FNDC3B: variants seen among roughly 807,000 people sequenced by gnomAD.
FNDC3B encodes fibronectin type III domain containing 3B, also known as fibronectin type III domain-containing protein 3B.
FNDC3B carries 12 observed loss-of-function variants against 151.5 expected under a neutral mutation model. The observed-to-expected ratio is 0.08, with a 90% CI of 0.05 to 0.13. The LOEUF (loss-of-function observed/expected upper bound fraction) is 0.13. Among genes scored for constraint, FNDC3B ranks in the 10% least tolerant of loss-of-function variants. The probability of loss-of-function intolerance (pLI) is 1.00; values close to 1 mark genes in which losing one functional copy is unlikely to be tolerated. For synonymous variants in FNDC3B, 528 were observed against 549.0 expected, an observed-to-expected ratio of 0.96 and a Z score of 0.54; for missense variants, 1,214 against 1,505.3, an observed-to-expected ratio of 0.81 and a Z score of 3.20.
intron 20 of FNDC3B, 113 bp downstream of exon 20, chr3:172,346,553 T>C (rs115904793): frequency 0.011 from 6,789 of 621,150 alleles, 145 homozygotes; most frequent in Non-Finnish European, 0.014. Context: ...TGATTTTTTT[T>C]TTTTTTTTGC....
At chr3:172,055,179 A>G (rs3180663) in intron 1 of FNDC3B, among the ~76,000 whole-genome samples, 98,229 of 151,978 alleles carry the variant, frequency 0.65, 31,938 homozygotes, top group East Asian at 0.74. Flanking sequence ...TTTAAAGTGA[A>G]GTGGGAGGAG....
At chr3:172,336,231 G>T (rs138666938) in intron 15 of FNDC3B, among the ~76,000 whole-genome samples, 1 of 152,076 alleles carries the variant, frequency 6.6e-6, no homozygotes, top group South Asian at 2.1e-4. Context: ...AAAAATCTCC[G>T]CTATGTCTAA....
In FNDC3B at chr3:172,173,913, G is replaced by A. The variant is rs1560000971; in HGVS notation, c.187+40367G>A. Among the ~76,000 whole-genome samples the A allele has an allele frequency of 2.0e-5, 3 of 152,298 alleles. No homozygotes were observed. In the South Asian group the frequency reaches 6.2e-4, roughly 32 times the overall value. ...GGAGTACTGAAATGGAATAGTAGGA[G>A]CTGCCAGTGAAACTCATTCAGTGTT... On this transcript the variant is annotated intron_variant, in intron 3 of 25. Transcript: ENST00000415807.
intron 6 of FNDC3B, among the ~76,000 whole-genome samples, chr3:172,269,047 C>T (rs1403599239): frequency 1.3e-5 from 2 of 152,088 alleles, no homozygotes; most frequent in Non-Finnish European, 2.9e-5. Flanking sequence ...CCATAGCATT[C>T]GTGGAAATAT....
intron 3 of FNDC3B, chr3:172,148,469 G>C (rs928975488): frequency 1.3e-5 from 2 of 152,104 alleles, no homozygotes; most frequent in African/African-American, 4.8e-5. Context: ...GGTGAGAAAG[G>C]AAGTGACTCA....
At chr3:172,346,463 C>A (rs1733618511) in intron 20 of FNDC3B, 23 bp downstream of exon 20, 18 of 1,428,952 alleles carry the variant, frequency 1.3e-5, no homozygotes, top group Non-Finnish European at 1.8e-5. Flanking sequence ...TATTCTGCAT[C>A]AACTTCTGTT....
intron 3 of FNDC3B, among the ~76,000 whole-genome samples, chr3:172,160,884 G>A (rs758708811): frequency 1.2e-4 from 18 of 151,760 alleles, no homozygotes; most frequent in South Asian, 2.1e-4. Context: ...TTTTTGTCCC[G>A]AATTTGCCGT....
intron 3 of FNDC3B, among the ~76,000 whole-genome samples, chr3:172,215,155 C>T (rs1163279460): frequency 2.0e-5 from 3 of 152,162 alleles, no homozygotes; most frequent in African/African-American, 7.2e-5. Context: ...CAGAGCATGA[C>T]CTAGGAATTG....
chr3:172,169,317 A>C (rs1030824741), intron 3 of FNDC3B, among the ~76,000 whole-genome samples: 1 of 152,250 alleles, frequency 6.6e-6, no homozygotes, highest in Non-Finnish European at 1.5e-5. Context: ...AATGTGCTGC[A>C]GCCTTCTGCA....
intron 3 of FNDC3B, among the ~76,000 whole-genome samples, chr3:172,143,940 T>C (rs1194602003): frequency 6.7e-6 from 1 of 149,476 alleles, no homozygotes; most frequent in Admixed American, 6.7e-5. Context: ...AATAAATAAA[T>C]AAATAAATAA....
chr3:172,272,473 G>A (rs1729244156), intron 6 of FNDC3B, among the ~76,000 whole-genome samples: 1 of 152,170 alleles, frequency 6.6e-6, no homozygotes, highest in South Asian at 2.1e-4. Flanking sequence ...ATATCTGAGA[G>A]CTGATGGGCT....
intron 11 of FNDC3B, among the ~76,000 whole-genome samples, chr3:172,319,454 T>C (rs1272814183): frequency 6.6e-6 from 1 of 152,202 alleles, no homozygotes; most frequent in Non-Finnish European, 1.5e-5. Flanking sequence ...TGATCATCCT[T>C]GGCTATTTCA....
intron 25 of FNDC3B, among the ~76,000 whole-genome samples, chr3:172,382,760 C>T (rs773747657): frequency 1.3e-5 from 2 of 152,110 alleles, no homozygotes; most frequent in African/African-American, 4.8e-5. Flanking sequence ...TCAGGTTTGT[C>T]AAAGATCAGA....
In FNDC3B at chr3:172,266,464, G is replaced by A. The variant is rs140215207; in HGVS notation, c.790+14923G>A. ...GTTGGGACTATAGGCATACACCGCC[G>A]TGCCTGGCAAAGCCAGTGATTTAAA... On this transcript the variant is annotated intron_variant, in intron 6 of 25. Transcript: ENST00000415807. Among the ~76,000 whole-genome samples the A allele has an allele frequency of 3.0e-3, 460 of 152,290 alleles. 4 individuals are homozygous for A. The highest frequency in any genetic ancestry group is 0.011 in the African/African-American group (440 of 41,556).
intron 1 of FNDC3B, among the ~76,000 whole-genome samples, chr3:172,092,368 A>G (rs1718880967): frequency 6.6e-6 from 1 of 152,232 alleles, no homozygotes. Flanking sequence ...GAGCCTTAAC[A>G]AAAAGATTCT....
intron 6 of FNDC3B, among the ~76,000 whole-genome samples, chr3:172,252,137 T>C (rs985777487): frequency 6.6e-6 from 1 of 152,192 alleles, no homozygotes; most frequent in Non-Finnish European, 1.5e-5. Context: ...TTTTTGTAGA[T>C]GAATCTCTTG....
intron 3 of FNDC3B, among the ~76,000 whole-genome samples, chr3:172,219,998 T>A (rs1248831725): frequency 6.6e-6 from 1 of 152,206 alleles, no homozygotes; most frequent in Non-Finnish European, 1.5e-5. Context: ...AAAAACACAG[T>A]TACTTTTGCA....
chr3:172,267,789 A>T (rs887397184), intron 6 of FNDC3B, among the ~76,000 whole-genome samples: 7 of 152,246 alleles, frequency 4.6e-5, no homozygotes, highest in African/African-American at 1.7e-4. Flanking sequence ...AATGAATCTT[A>T]TGTCCCGTAA....
At chr3:172,114,001 C>G (rs183073223) in intron 2 of FNDC3B, among the ~76,000 whole-genome samples, 4 of 152,330 alleles carry the variant, frequency 2.6e-5, no homozygotes, top group Admixed American at 1.3e-4. Context: ...GACAGGACAA[C>G]CCTTCTCGCT....
Sources: gnomAD v4.1 joint callset for allele counts (sites outside exome capture counted in the v4.1 genomes callset) on GRCh38, gnomAD v4.1.1 for gene constraint, MANE v1.5 for transcripts, NCBI Gene and HGNC (gene_info 2026-07-23, HGNC 2026-07-21) for gene names.